The following CDKL2 variants were observed in gnomAD, a reference collection of about 807,000 sequenced individuals.
CDKL2 encodes the protein cyclin dependent kinase like 2.
Under a neutral mutation model 63.9 loss-of-function variants are expected in CDKL2, and 64 were observed. That is an observed-to-expected ratio of 1.00 (90% CI 0.82 to 1.23). CDKL2 has a LOEUF of 1.23. CDKL2 is among the 50% of genes most tolerant of loss of function. The pLI is 0.00. For missense variants in CDKL2, 656 were observed against 668.0 expected, an observed-to-expected ratio of 0.98 and a Z score of 0.20; for synonymous variants, 211 against 229.2, an observed-to-expected ratio of 0.92 and a Z score of 0.72.
intron 8 of CDKL2, among the ~76,000 whole-genome samples, chr4:75,597,463 GAC>G (rs143715044): frequency 6.6e-6 from 1 of 150,686 alleles, no homozygotes; most frequent in Admixed American, 6.6e-5. Flanking sequence ...AGCTCACTCA[GAC>G]ACACACACAC....
Position 75,598,071 on chromosome 4 carries a change from AT to A in CDKL2, c.1020+5del. ...TAAATCTAAAATGTGAAACATGAAC[AT>A]TTACCTGTACCACAAGTGTTTTTCT... On this transcript the variant is annotated splice_donor_5th_base_variant and intron_variant, in intron 8 of 13. Transcript: ENST00000307465. 1.3e-6 allele frequency: 2 copies of A among 1,482,502 alleles called. No homozygotes were observed. Among genetic ancestry groups the A allele is most frequent in the Non-Finnish European group, 1.8e-6 (2 of 1,097,362 alleles). 91.8% of individuals were successfully genotyped at this position (1,482,502 alleles called of 1,614,324 possible).
At chr4:75,583,198 A>G (rs1325024561) in intron 12 of CDKL2, among the ~76,000 whole-genome samples, 3 of 152,234 alleles carry the variant, frequency 2.0e-5, no homozygotes, top group Non-Finnish European at 4.4e-5. Flanking sequence ...AAAACAAAAC[A>G]TATAACGTAT....
chr4:75,621,774 T>C, intron 2 of CDKL2, among the ~76,000 whole-genome samples: 1 of 152,176 alleles, frequency 6.6e-6, no homozygotes, highest in East Asian at 1.9e-4. Flanking sequence ...GAATTTCTTA[T>C]CATCAGATTT....
At chr4:75,626,794 G>A (rs1041789249) in intron 1 of CDKL2, among the ~76,000 whole-genome samples, 1 of 152,116 alleles carries the variant, frequency 6.6e-6, no homozygotes, top group Non-Finnish European at 1.5e-5. Flanking sequence ...GGGAGGCTGA[G>A]GCAGGAGAAT....
chr4:75,612,470 G>C (rs1436867522), intron 3 of CDKL2, among the ~76,000 whole-genome samples: 1 of 152,214 alleles, frequency 6.6e-6, no homozygotes, highest in Non-Finnish European at 1.5e-5. Context: ...ATGTGAGAGA[G>C]ACAATGGTTC....
chr4:75,602,513 T>G (rs1729241203), intron 6 of CDKL2, among the ~76,000 whole-genome samples: 1 of 151,660 alleles, frequency 6.6e-6, no homozygotes. Context: ...TTCCTACTTC[T>G]CTATCCTTTA....
At chr4:75,600,584 T>A (rs1729144940) in intron 6 of CDKL2, among the ~76,000 whole-genome samples, 1 of 152,050 alleles carries the variant, frequency 6.6e-6, no homozygotes, top group South Asian at 2.1e-4. Context: ...CTCAGTCTCC[T>A]GAGTAGCTGG....
In CDKL2 at chr4:75,581,847, C is replaced by T. The variant is rs1323107677; in HGVS notation, c.1699G>A (p.Glu567Lys). 1.2e-6 allele frequency: 2 copies of T among 1,612,300 alleles called. No homozygotes were observed. The highest frequency in any genetic ancestry group is 1.7e-6 in the Non-Finnish European group (2 of 1,178,808). The change falls in exon 13 of 14, where the codon GAA becomes AAA. Residue 567 changes from glutamate to lysine, a missense_variant. Physicochemically the swap from Glu to Lys is moderately conservative, Grantham distance 56 (BLOSUM62 1). Coordinates refer to ENST00000307465, the MANE Select transcript of CDKL2 (RefSeq NM_001330724.2). ...CAAAATGGTTCTCAGTGCTGGTGTT[C>T]CATTTGAGGCAAATCAGCCCCTGAA... The part of the protein sequence containing the change: ...DDSGADLPQM[E>K]HQH
At chr4:75,592,000 G>A (rs1311066411) in intron 11 of CDKL2, 75 bp from the exon 12 acceptor site, 17 of 1,315,358 alleles carry the variant, frequency 1.3e-5, no homozygotes, top group Admixed American at 2.1e-5. Context: ...CATTCTCTAC[G>A]TGTTCCTCAG....
chr4:75,601,646 T>C (rs1310247938), intron 6 of CDKL2, among the ~76,000 whole-genome samples: 2 of 152,148 alleles, frequency 1.3e-5, no homozygotes, highest in Non-Finnish European at 2.9e-5. Flanking sequence ...CATAATAAAA[T>C]GTTTTAAAAG....
chr4:75,609,716 A>C (rs572692253), intron 3 of CDKL2, among the ~76,000 whole-genome samples: 39 of 149,860 alleles, frequency 2.6e-4, no homozygotes, highest in Middle Eastern at 3.4e-3. Flanking sequence ...TATTAGGCCT[A>C]ATTCTCTAAT....
chr4:75,590,158 C>T (rs191524933), intron 12 of CDKL2, among the ~76,000 whole-genome samples: 1 of 152,122 alleles, frequency 6.6e-6, no homozygotes, highest in Admixed American at 6.5e-5. Context: ...CACAGCAAAA[C>T]CCTGTCTCAA....
intron 1 of CDKL2, among the ~76,000 whole-genome samples, chr4:75,627,656 TG>T (rs1424049414): frequency 1.3e-5 from 2 of 151,720 alleles, no homozygotes; most frequent in Non-Finnish European, 2.9e-5. Flanking sequence ...TCCACTTAAT[TG>T]GAAAAAATAT....
chr4:75,598,239 T>C, intron 7 of CDKL2, 27 bp from the exon 8 acceptor site: 1 of 1,262,216 alleles, frequency 7.9e-7, no homozygotes, highest in South Asian at 1.5e-5. Context: ...TAAAATAAAA[T>C]TGTAAGACAT....
intron 13 of CDKL2, among the ~76,000 whole-genome samples, chr4:75,581,120 T>C (rs563479792): frequency 6.6e-6 from 1 of 152,348 alleles, no homozygotes; most frequent in African/African-American, 2.4e-5. Flanking sequence ...ATAACAATGT[T>C]TAGGTCAACA....
chr4:75,581,697 C>T (rs1474686569), intron 13 of CDKL2, 113 bp downstream of exon 13: 1 of 575,078 alleles, frequency 1.7e-6, no homozygotes, highest in Non-Finnish European at 3.2e-6. Flanking sequence ...ATCAGAAGTT[C>T]TCATGGAATC....
chr4:75,623,049 G>A (rs538021779), intron 2 of CDKL2, among the ~76,000 whole-genome samples: 5 of 152,280 alleles, frequency 3.3e-5, no homozygotes, highest in Non-Finnish European at 5.9e-5. Context: ...GCTGAGGAGG[G>A]CGGATTGCTT....
chr4:75,616,655 G>T (rs1362168287), intron 2 of CDKL2, among the ~76,000 whole-genome samples: 1 of 140,328 alleles, frequency 7.1e-6, no homozygotes, highest in East Asian at 2.2e-4. Context: ...AGCTAAGATT[G>T]CACCACTGCA....
intron 12 of CDKL2, among the ~76,000 whole-genome samples, chr4:75,590,351 G>A (rs1728665521): frequency 6.6e-6 from 1 of 152,170 alleles, no homozygotes; most frequent in Admixed American, 6.5e-5. Context: ...CCTTTCATCA[G>A]CATCTCTAGA....
Sources: gnomAD v4.1 joint callset for allele counts (sites outside exome capture counted in the v4.1 genomes callset) on GRCh38, gnomAD v4.1.1 for gene constraint, MANE v1.5 for transcripts, NCBI Gene and HGNC (gene_info 2026-07-23, HGNC 2026-07-21) for gene names.